DKK2: variants seen among roughly 807,000 people sequenced by gnomAD.
DKK2 encodes the protein dickkopf-related protein 2.
A neutral mutation model predicts 28.1 loss-of-function variants in DKK2; 11 were observed. The ratio of observed to expected loss-of-function variants is 0.39; its 90% CI spans 0.25 to 0.65. The LOEUF is 0.65. DKK2 is among the 30% of genes least tolerant of loss of function. DKK2 has a pLI of 0.47. For missense variants in DKK2, 326 were observed against 335.5 expected (o/e 0.97, Z 0.22); for synonymous variants, 135 against 126.5 (o/e 1.07, Z -0.45).
chr4:106,959,481 C>T (rs911976760), intron 1 of DKK2, among the ~76,000 whole-genome samples: 4 of 151,848 alleles, frequency 2.6e-5, no homozygotes, highest in African/African-American at 9.7e-5. Context: ...CAAAAATAGG[C>T]ATGATTCTTC....
intron 1 of DKK2, among the ~76,000 whole-genome samples, chr4:107,020,999 C>T (rs578252319): frequency 2.0e-5 from 3 of 152,024 alleles, no homozygotes; most frequent in East Asian, 1.9e-4. Context: ...ATTTTGACCA[C>T]GTTCTTCTAA....
At chr4:106,924,840 C>T (rs1724403350) in intron 2 of DKK2, 140 bp from the exon 3 acceptor site, 1 of 855,108 alleles carries the variant, frequency 1.2e-6, no homozygotes, top group Non-Finnish European at 1.7e-6. Context: ...CATTCATTTA[C>T]TTATTTATTG....
chr4:107,007,994 A>G (rs1257962163), intron 1 of DKK2, among the ~76,000 whole-genome samples: 1 of 152,130 alleles, frequency 6.6e-6, no homozygotes, highest in African/African-American at 2.4e-5. Context: ...TCACCTCCTG[A>G]CCGTTTCTTC....
intron 1 of DKK2, among the ~76,000 whole-genome samples, chr4:106,957,453 CG>C (rs1722612232): frequency 6.6e-6 from 1 of 151,878 alleles, no homozygotes; most frequent in Non-Finnish European, 1.5e-5. Context: ...CACAGGCACA[CG>C]TATGTTTATT....
At chr4:106,954,552 C>T (rs907460306) in intron 1 of DKK2, among the ~76,000 whole-genome samples, 1 of 152,068 alleles carries the variant, frequency 6.6e-6, no homozygotes, top group Non-Finnish European at 1.5e-5. Context: ...GACGGAGTCT[C>T]ACTCTGTCAC....
chr4:106,946,410 A>C (rs533603899), intron 1 of DKK2, among the ~76,000 whole-genome samples: 10 of 152,168 alleles, frequency 6.6e-5, no homozygotes, highest in Admixed American at 4.6e-4. Context: ...TGTAGATGAA[A>C]CAAGATTAGC....
chr4:106,935,260 A>G (rs1410172137), intron 1 of DKK2, among the ~76,000 whole-genome samples: 1 of 152,168 alleles, frequency 6.6e-6, no homozygotes, highest in Non-Finnish European at 1.5e-5. Context: ...GGGTGCGCGC[A>G]CCGTGTGCGA....
At chr4:106,961,721 A>G (rs1020779534) in intron 1 of DKK2, among the ~76,000 whole-genome samples, 2 of 152,140 alleles carry the variant, frequency 1.3e-5, no homozygotes, top group Non-Finnish European at 2.9e-5. Flanking sequence ...ACAGGCCAGC[A>G]GTCAATTATA....
chr4:106,968,723 G>T lies in DKK2; in HGVS notation c.223-42774C>A, dbSNP rs183128796. On this transcript the variant is annotated intron_variant, in intron 1 of 3. Coordinates refer to ENST00000285311, the MANE Select transcript of DKK2 (RefSeq NM_014421.3). ...ATTGAGTCTTCATTTTCCATATGGCGTTCTGGACAGTTTGGTTTTGAATGA... is the reference window on the plus strand; with the variant it reads ...ATTGAGTCTTCATTTTCCATATGGCTTTCTGGACAGTTTGGTTTTGAATGA... Among the ~76,000 whole-genome samples the T allele has an allele frequency of 3.1e-3, 476 of 152,192 alleles. 4 individuals are homozygous for T. Among genetic ancestry groups the T allele is most frequent in the African/African-American group, 0.011 (452 of 41,532 alleles).
At chr4:107,034,148 C>T (rs1314240967) in intron 1 of DKK2, among the ~76,000 whole-genome samples, 2 of 152,156 alleles carry the variant, frequency 1.3e-5, no homozygotes, top group Non-Finnish European at 2.9e-5. Context: ...GGTCTTGTCT[C>T]TCTGTCCATC....
chr4:106,931,669 T>A (rs576830665), intron 1 of DKK2, among the ~76,000 whole-genome samples: 1 of 152,156 alleles, frequency 6.6e-6, no homozygotes, highest in African/African-American at 2.4e-5. Context: ...GATCCTGAAA[T>A]TAATCACAAC....
intron 1 of DKK2, among the ~76,000 whole-genome samples, chr4:106,957,989 C>A (rs919458586): frequency 4.7e-5 from 7 of 150,230 alleles, no homozygotes; most frequent in African/African-American, 1.7e-4. Context: ...AGTAATAATT[C>A]TTTAGAAAAT....
At chr4:106,952,401 C>A (rs1722471626) in intron 1 of DKK2, among the ~76,000 whole-genome samples, 1 of 152,094 alleles carries the variant, frequency 6.6e-6, no homozygotes, top group Non-Finnish European at 1.5e-5. Flanking sequence ...CTGATATCAC[C>A]TAGCATGATA....
chr4:106,924,520 A>T (rs1724397521), intron 3 of DKK2, 25 bp downstream of exon 3: 2 of 1,585,976 alleles, frequency 1.3e-6, no homozygotes, highest in South Asian at 2.4e-5. Context: ...TTTTAAAAAA[A>T]CCCCAGAACT....
At chr4:106,982,119 A>G (rs915013526) in intron 1 of DKK2, among the ~76,000 whole-genome samples, 1 of 152,218 alleles carries the variant, frequency 6.6e-6, no homozygotes, top group Non-Finnish European at 1.5e-5. Flanking sequence ...TGACAAGGAT[A>G]AAAATTTATG....
intron 1 of DKK2, among the ~76,000 whole-genome samples, chr4:107,011,712 T>TGTGTGTGTGTGG (rs1040184955): frequency 7.3e-5 from 11 of 151,262 alleles, no homozygotes; most frequent in African/African-American, 2.7e-4. Flanking sequence ...TGTGTGTGTG[T>TGTGTGTGTGTGG]GGGTGTGTAT....
chr4:106,931,967 A>G (rs533126302), intron 1 of DKK2, among the ~76,000 whole-genome samples: 4 of 152,282 alleles, frequency 2.6e-5, no homozygotes, highest in African/African-American at 9.6e-5. Flanking sequence ...TGGCTAATGC[A>G]GTCTATTGAG....
chr4:106,956,434 G>A (rs944583771), intron 1 of DKK2, among the ~76,000 whole-genome samples: 2 of 152,276 alleles, frequency 1.3e-5, no homozygotes, highest in Admixed American at 6.5e-5. Flanking sequence ...AAAAGAGCCT[G>A]CATCGCCAAG....
intron 1 of DKK2, among the ~76,000 whole-genome samples, chr4:106,937,984 T>G (rs1724626156): frequency 7.2e-6 from 1 of 138,944 alleles, no homozygotes; most frequent in Non-Finnish European, 1.6e-5. Flanking sequence ...TAGAGGGAAA[T>G]TTATAGCACT....
Sources: allele counts gnomAD v4.1 joint callset (sites outside exome capture counted in the v4.1 genomes callset), GRCh38; gene constraint gnomAD v4.1.1; transcripts MANE v1.5; gene names NCBI Gene and HGNC (gene_info 2026-07-23, HGNC 2026-07-21).